The following FAM168B variants were observed in gnomAD, a reference collection of about 807,000 sequenced individuals.
FAM168B encodes myelin-associated neurite-outgrowth inhibitor.
In FAM168B, 19 loss-of-function variants were observed where a neutral mutation model predicts 21.8. That is an observed-to-expected ratio of 0.87 (90% confidence interval 0.61 to 1.28). The LOEUF is 1.28. Ranked by LOEUF, FAM168B falls within the 50% of genes most tolerant of loss-of-function variation. The pLI, the probability that FAM168B is intolerant of heterozygous loss-of-function variation, is 0.00. For missense variants in FAM168B, 233 were observed against 263.1 expected (o/e 0.89, Z 0.79); for synonymous variants, 126 against 104.8 (o/e 1.20, Z -1.24).
chr2:131,060,241 G>A (rs187990606), intron 3 of FAM168B, among the ~76,000 whole-genome samples: 85 of 152,296 alleles, frequency 5.6e-4, no homozygotes, highest in Non-Finnish European at 7.2e-4. Flanking sequence ...GGCCAGGCTG[G>A]TGTCGAACTC....
Position 131,048,478 on chromosome 2 carries a change from T to C in FAM168B, c.*3987A>G. The C allele has an allele frequency of 8.6e-7, 1 of 1,162,440 alleles. No individual in the cohort carries two copies. The highest frequency in any genetic ancestry group is 1.1e-6 in the Non-Finnish European group (1 of 916,736). The allele number at this position is 1,162,440 out of a possible 1,614,324, so 72.0% of individuals were successfully genotyped here. A position where few individuals can be genotyped will look rare whatever the true frequency, so the allele number is the denominator to read the frequency against. ...CCCAAGTGACTTCACTTCAGTCCTG[T>C]GGACCAAGATAAGGCTATCCCCACA... On this transcript the variant is annotated 3_prime_UTR_variant, in exon 7 of 7. Transcript: ENST00000389915.
intron 3 of FAM168B, among the ~76,000 whole-genome samples, chr2:131,069,170 C>T (rs1692728886): frequency 6.6e-6 from 1 of 152,212 alleles, no homozygotes; most frequent in South Asian, 2.1e-4. Context: ...GAAATTAACT[C>T]AAGGTTCTTC....
chr2:131,055,123 C>T (rs1026169915), intron 5 of FAM168B, 149 bp downstream of exon 5: 32 of 726,692 alleles, frequency 4.4e-5, no homozygotes, highest in Middle Eastern at 6.7e-4. Context: ...AAAAGATAAC[C>T]TGCTGTTTCT....
At chr2:131,088,021 G>A (rs910360026) in intron 1 of FAM168B, among the ~76,000 whole-genome samples, 30 of 152,096 alleles carry the variant, frequency 2.0e-4, no homozygotes, top group African/African-American at 6.8e-4. Flanking sequence ...CGATGAGGGC[G>A]GATCACTTGA....
Position 131,048,667 on chromosome 2 carries a change from C to A in FAM168B, c.*3798G>T, listed in dbSNP as rs1691449014. The A allele has an allele frequency of 1.0e-6, 1 of 994,722 alleles. No individual in the cohort carries two copies. The highest frequency in any genetic ancestry group is 1.2e-6 in the Non-Finnish European group (1 of 835,502). The allele number at this position is 994,722 out of a possible 1,614,324, so 61.6% of individuals were successfully genotyped here. On this transcript the variant is annotated 3_prime_UTR_variant, in exon 7 of 7. Coordinates refer to ENST00000389915, the MANE Select transcript of FAM168B (RefSeq NM_001009993.4). Reference sequence around the variant, plus strand: ...GATAAAGCATGTCCTCTGCAGTATACTCAAGAGTCTGCTGCCCTTCAGAAA... The same window carrying A: ...GATAAAGCATGTCCTCTGCAGTATAATCAAGAGTCTGCTGCCCTTCAGAAA...
At chr2:131,071,530 A>G (rs1293614239) in intron 3 of FAM168B, among the ~76,000 whole-genome samples, 2 of 152,240 alleles carry the variant, frequency 1.3e-5, no homozygotes, top group African/African-American at 4.8e-5. Context: ...CTCTAAAAAC[A>G]TTAACATGGA....
Position 131,060,353 on chromosome 2 carries a change from C to A in FAM168B, c.155-4658G>T, listed in dbSNP as rs1050912118. ...GTAGGAATATTCCCATGTACTTGTG[C>A]TAAAGCAAGGCAATGTGTGAGTGGG... On this transcript the variant is annotated intron_variant, in intron 3 of 6. Coordinates refer to ENST00000389915, the MANE Select transcript of FAM168B (RefSeq NM_001009993.4). 4.6e-5 allele frequency among the ~76,000 whole-genome samples: 7 copies of A among 152,172 alleles called. No individual in the cohort carries two copies. The South Asian group carries it at 1.2e-3, about 27-fold the overall frequency.
At chr2:131,060,027 A>AT (rs879939741) in intron 3 of FAM168B, among the ~76,000 whole-genome samples, 19 of 148,406 alleles carry the variant, frequency 1.3e-4, no homozygotes, top group Admixed American at 3.4e-4. Context: ...GTGAGCAGGA[A>AT]TTTTTTTTTT....
intron 5 of FAM168B, among the ~76,000 whole-genome samples, chr2:131,054,002 G>A (rs553452396): frequency 1.4e-4 from 22 of 152,216 alleles, no homozygotes; most frequent in Admixed American, 2.6e-4. Flanking sequence ...TCAGGAGTTC[G>A]AGACCAGCCT....
chr2:131,084,531 GT>G (rs1195317400), intron 1 of FAM168B, among the ~76,000 whole-genome samples: 10 of 151,698 alleles, frequency 6.6e-5, no homozygotes, highest in Admixed American at 2.0e-4. Context: ...AACTTGTTAA[GT>G]TTTTTTTCCT....
chr2:131,090,848 C>A (rs930987151), intron 1 of FAM168B, among the ~76,000 whole-genome samples: 2 of 152,132 alleles, frequency 1.3e-5, no homozygotes, highest in Non-Finnish European at 2.9e-5. Flanking sequence ...CCTGCCTCAG[C>A]CTCCCCCAGT....
intron 3 of FAM168B, among the ~76,000 whole-genome samples, chr2:131,071,588 G>A (rs1048531628): frequency 6.6e-6 from 1 of 152,188 alleles, no homozygotes; most frequent in Non-Finnish European, 1.5e-5. Context: ...TCTAGTAGGT[G>A]ATACTATTTC....
chr2:131,092,588 A>G (rs905115969), intron 1 of FAM168B, among the ~76,000 whole-genome samples: 1 of 152,196 alleles, frequency 6.6e-6, no homozygotes, highest in South Asian at 2.1e-4. Flanking sequence ...ATGATTAAAC[A>G]TTAACTCAAA....
chr2:131,066,988 C>A (rs187435393), intron 3 of FAM168B, among the ~76,000 whole-genome samples: 121 of 152,274 alleles, frequency 7.9e-4, no homozygotes, highest in African/African-American at 2.8e-3. Context: ...GAAGAGCAAA[C>A]GTGTGCAGGG....
At chr2:131,075,061 TAGTC>T (rs1223790300) in intron 2 of FAM168B, among the ~76,000 whole-genome samples, 1 of 152,028 alleles carries the variant, frequency 6.6e-6, no homozygotes, top group Non-Finnish European at 1.5e-5. Context: ...CCTCTCTAAT[TAGTC>T]AGAGAACAGA....
chr2:131,092,369 C>T (rs531035720), intron 1 of FAM168B, among the ~76,000 whole-genome samples: 2 of 151,830 alleles, frequency 1.3e-5, no homozygotes, highest in South Asian at 2.1e-4. Context: ...ACTCCTTCAT[C>T]TACAAGAGCT....
At position 131,073,447 on chromosome 2, in the gene FAM168B, C is replaced by G. The variant is rs544870003; in HGVS notation, c.71-1509G>C. On this transcript the variant is annotated intron_variant, in intron 2 of 6. Transcript: ENST00000389915. ...CCAGCATGACCAGCTAATATGTTTT[C>G]ATATGTCCTCTCCAAAGCTCACGTT... 3.9e-5 allele frequency among the ~76,000 whole-genome samples: 6 copies of G among 152,276 alleles called. No homozygotes were observed. In the East Asian group the frequency reaches 1.2e-3, roughly 29 times the overall value.
intron 1 of FAM168B, among the ~76,000 whole-genome samples, chr2:131,084,229 GC>G (rs1693572103): frequency 9.8e-6 from 1 of 102,508 alleles, no homozygotes; most frequent in Non-Finnish European, 1.8e-5. Flanking sequence ...TTGCTCTGTT[GC>G]CCAGGCTGGA....
chr2:131,091,478 T>C (rs1694026802), intron 1 of FAM168B, among the ~76,000 whole-genome samples: 1 of 151,028 alleles, frequency 6.6e-6, no homozygotes, highest in African/African-American at 2.4e-5. Context: ...AAACCCCGTC[T>C]CTACTAAAAA....
Sources: gnomAD v4.1 joint callset for allele counts (sites outside exome capture counted in the v4.1 genomes callset) on GRCh38, gnomAD v4.1.1 for gene constraint, MANE v1.5 for transcripts, NCBI Gene and HGNC (gene_info 2026-07-23, HGNC 2026-07-21) for gene names.